The following MUC17 variants were observed in gnomAD, a reference collection of about 807,000 sequenced individuals.
The protein encoded by MUC17 is mucin-17.
In MUC17, 190 loss-of-function variants were observed where a neutral mutation model predicts 170.3. The ratio of observed to expected loss-of-function variants is 1.12; its 90% CI spans 0.99 to 1.26. The LOEUF is 1.26. Ranked by LOEUF, MUC17 falls within the 50% of genes most tolerant of loss-of-function variation. MUC17 has a pLI of 0.00. For synonymous variants in MUC17, 2,325 were observed against 2,002.5 expected (o/e 1.16, Z -4.30); for missense variants, 6,415 against 5,530.0 (o/e 1.16, Z -5.08).
intron 3 of MUC17, among the ~76,000 whole-genome samples, chr7:101,045,216 G>A (rs1287180108): frequency 6.6e-6 from 1 of 152,106 alleles, no homozygotes; most frequent in Non-Finnish European, 1.5e-5. Context: ...TTATTTAGAT[G>A]AATAGGCTCA....
chr7:101,057,495 A>T (rs4236553), intron 12 of MUC17, among the ~76,000 whole-genome samples: 1 of 152,002 alleles, frequency 6.6e-6, no homozygotes, highest in Non-Finnish European at 1.5e-5. Flanking sequence ...GCAATCCCAG[A>T]ACTTCGTGAG....
In MUC17 at chr7:101,039,608, C is replaced by A. The variant is rs750366303; in HGVS notation, c.8192C>A (p.Ser2731Tyr). ...TPVTTSAEAS[S>Y]SPTTAEGTSM... ...GTCACCACTTCTGCTGAAGCCAGTT[C>A]TTCTCCTACAACTGCTGAAGGTACC... Residue 2731 changes from serine (S) to tyrosine (Y), a missense_variant, in exon 3 of 13, where the codon TCT becomes TAT. Transcript: ENST00000306151. 7 of 1,612,992 alleles carry A rather than the reference C, an allele frequency of 4.3e-6. No individual in the cohort carries two copies. In the South Asian group the frequency reaches 6.6e-5, roughly 15 times the overall value.
In MUC17 at chr7:101,037,160, G is replaced by C. The variant is rs377164003; in HGVS notation, c.5744G>C (p.Ser1915Thr). ...SSSPTTADGS[S>T]MPTSTPREGR... ...TCTCCTACAACTGCTGACGGTAGCAGCATGCCAACCTCAACTCCTAGGGAA... is the reference window on the plus strand; with the variant it reads ...TCTCCTACAACTGCTGACGGTAGCACCATGCCAACCTCAACTCCTAGGGAA... The change falls in exon 3 of 13, where the codon AGC becomes ACC. Residue 1915 changes from serine (S) to threonine (T), a missense_variant. Coordinates refer to ENST00000306151, the MANE Select transcript of MUC17 (RefSeq NM_001040105.2). The C allele has an allele frequency of 3.7e-4, 589 of 1,612,498 alleles. 2 individuals carry two copies. The highest frequency in any genetic ancestry group is 4.8e-4 in the Non-Finnish European group (570 of 1,179,738).
At chr7:101,029,554 T>G (rs1794240600) in intron 1 of MUC17, among the ~76,000 whole-genome samples, 1 of 152,118 alleles carries the variant, frequency 6.6e-6, no homozygotes, top group Non-Finnish European at 1.5e-5. Flanking sequence ...TTTACCTTGT[T>G]GGGTGCTGGG....
Position 101,040,425 on chromosome 7 carries a change from G to A in MUC17, c.9009G>A (p.Glu3003=). The A allele has an allele frequency of 1.2e-6, 2 of 1,610,910 alleles. No homozygotes were observed. Among genetic ancestry groups the A allele is most frequent in the Non-Finnish European group, 8.5e-7 (1 of 1,178,840 alleles). ...GCACCATGCCGGTGGCCAGTTCTGA[G>A]GCTAGCACCCTTTCAAGAACTCCTG... ...SVSTMPVASS[E]ASTLSRTPAD... is the part of the protein sequence containing the mutation. Residue 3003 remains glutamate, a synonymous_variant, in exon 3 of 13, where the codon GAG becomes GAA. Transcript: ENST00000306151.
Position 101,036,031 on chromosome 7 carries a change from GCT to G in MUC17, c.4616_4617del (p.Ala1539GlyfsTer20). 6.2e-7 allele frequency: 1 copy of G among 1,612,128 alleles called. No individual in the cohort carries two copies. Among genetic ancestry groups the G allele is most frequent in the Non-Finnish European group, 8.5e-7 (1 of 1,178,928 alleles). On this transcript the variant is annotated frameshift_variant, in exon 3 of 13. Transcript: ENST00000306151. LOFTEE classifies it high-confidence loss of function. ...AATCAACAGCCTTTCAACAACTCCTGCTGTCACCAGCACACCTGTGACCACTT... is the reference window on the plus strand; with the variant it reads ...AATCAACAGCCTTTCAACAACTCCTGGTCACCAGCACACCTGTGACCACTT... The part of the protein sequence containing the change: ...SEINSLSTTP[A>X]VTSTPVTTYS...
In MUC17 at chr7:101,034,723, C is replaced by G; in HGVS notation, c.3307C>G (p.Leu1103Val). Reference sequence around the variant, plus strand: ...AACTTATAGTGAAGGAAGCACTCCACTAACAAGTGTGCCTGTCAGCACCAG... The same window carrying G: ...AACTTATAGTGAAGGAAGCACTCCAGTAACAAGTGTGCCTGTCAGCACCAG... ...TSTYSEGSTPLTSVPVSTRLV... is the reference protein window; with the variant it reads ...TSTYSEGSTPVTSVPVSTRLV... The change falls in exon 3 of 13, where the codon CTA becomes GTA. Residue 1103 changes from leucine (L) to valine (V), a missense_variant. Physicochemically the swap from Leu to Val is conservative, Grantham distance 32. Transcript: ENST00000306151. The G allele has an allele frequency of 6.2e-7, 1 of 1,605,492 alleles. No homozygotes were observed. The highest frequency in any genetic ancestry group is 8.5e-7 in the Non-Finnish European group (1 of 1,175,346).
Position 101,020,199 on chromosome 7 carries a change from C to A in MUC17, c.64C>A (p.Gln22Lys). ...LTLVLSLLPP[Q>K]AAAEQDLSVN... ...CTTGGTCCTCTCGCTCTTGCCCCCA[C>A]AAGCTGCTGCAGAACAGGGTGAGTG... is the stretch of plus-strand genomic sequence containing the variant. Residue 22 changes from glutamine (Q) to lysine (K), a missense_variant, in exon 1 of 13, where the codon CAA becomes AAA. Gln to Lys is a moderately conservative substitution (Grantham distance 53). Coordinates refer to ENST00000306151, the MANE Select transcript of MUC17 (RefSeq NM_001040105.2). 5 of 1,610,038 alleles carry A rather than the reference C, an allele frequency of 3.1e-6. No homozygotes were observed. Among genetic ancestry groups the A allele is most frequent in the Non-Finnish European group, 4.2e-6 (5 of 1,178,222 alleles).
Position 101,033,853 on chromosome 7 carries a change from G to C in MUC17, c.2437G>C (p.Val813Leu), listed in dbSNP as rs1464519686. ...EGSPLLTSIP[V>L]SITPVTSPEA... ...AAGTCCTTTATTAACAAGTATACCT[G>C]TCAGCATCACACCGGTGACCAGTCC... The change falls in exon 3 of 13, where the codon GTC becomes CTC. Residue 813 changes from valine to leucine, a missense_variant. Coordinates refer to ENST00000306151, the MANE Select transcript of MUC17 (RefSeq NM_001040105.2). 5.6e-6 allele frequency: 9 copies of C among 1,613,508 alleles called. No homozygotes were observed. In the South Asian group the frequency reaches 9.9e-5, roughly 18 times the overall value.
Position 101,041,360 on chromosome 7 carries a change from A to G in MUC17, c.9944A>G (p.Tyr3315Cys). Reference protein sequence around the residue: ...PADTSTPVTTYSQASSSPPIA... With the variant: ...PADTSTPVTTCSQASSSPPIA... Reference sequence around the variant, plus strand: ...GACACCAGCACACCTGTGACCACTTATTCTCAAGCCAGTTCATCTCCTCCA... The same window carrying G: ...GACACCAGCACACCTGTGACCACTTGTTCTCAAGCCAGTTCATCTCCTCCA... The change falls in exon 3 of 13, where the codon TAT becomes TGT. Residue 3315 changes from tyrosine (Y) to cysteine (C), a missense_variant. Tyr to Cys is a radical substitution (Grantham distance 194). Coordinates refer to ENST00000306151, the MANE Select transcript of MUC17 (RefSeq NM_001040105.2). 1.2e-6 allele frequency: 2 copies of G among 1,600,568 alleles called. No homozygotes were observed. Among genetic ancestry groups the G allele is most frequent in the Non-Finnish European group, 1.7e-6 (2 of 1,174,722 alleles).
intron 9 of MUC17, 92 bp downstream of exon 9, chr7:101,052,054 A>T: frequency 6.9e-7 from 1 of 1,451,770 alleles, no homozygotes; most frequent in Non-Finnish European, 9.4e-7. Context: ...CCTGGAGACC[A>T]AGGTCATGGG....
At chr7:101,029,791 G>T (rs978280620) in intron 1 of MUC17, among the ~76,000 whole-genome samples, 2 of 151,952 alleles carry the variant, frequency 1.3e-5, no homozygotes, top group African/African-American at 2.4e-5. Context: ...TAGAGACAGG[G>T]TTTCACCATG....
At position 101,037,134 on chromosome 7, in the gene MUC17, A is replaced by G. The variant is rs1331100669; in HGVS notation, c.5718A>G (p.Ser1906=). Residue 1906 remains serine (S), a synonymous_variant, in exon 3 of 13, where the codon TCA becomes TCG. Coordinates refer to ENST00000306151, the MANE Select transcript of MUC17 (RefSeq NM_001040105.2). The part of the protein sequence containing the change: ...TPVTTYAQVS[S]SPTTADGSSM... ...TGACCACTTATGCTCAAGTCAGTTC[A>G]TCTCCTACAACTGCTGACGGTAGCA... 2.5e-5 allele frequency: 40 copies of G among 1,612,182 alleles called. No individual in the cohort carries two copies. Among genetic ancestry groups the G allele is most frequent in the Non-Finnish European group, 3.2e-5 (38 of 1,179,688 alleles).
rs138483731 is a variant in MUC17 at position 101,035,851 on chromosome 7, C to G, written c.4435C>G (p.Pro1479Ala). 154 of 1,600,252 alleles carry G rather than the reference C, an allele frequency of 9.6e-5. No homozygotes were observed. In the African/African-American group the frequency reaches 1.7e-3, roughly 18 times the overall value. ...NSEASTLSTT[P>A]VDSNSPVVTS... ...TGAGGCTAGCACCCTTTCAACAACT[C>G]CTGTTGACTCTAACAGTCCTGTGGT... Residue 1479 changes from proline (P) to alanine (A), a missense_variant, in exon 3 of 13, where the codon CCT becomes GCT. Transcript: ENST00000306151.
chr7:101,043,176 A>AGCC lies in MUC17; in HGVS notation c.11761_11763dup (p.Ala3921dup), dbSNP rs776172529. On this transcript the variant is annotated inframe_insertion, in exon 3 of 13. Coordinates refer to ENST00000306151, the MANE Select transcript of MUC17 (RefSeq NM_001040105.2). ...CTGCCTCAACTCCCACAATTCCTGTAGCCACCACCATATCTGTATCAGTGA... is the reference window on the plus strand; with the variant it reads ...CTGCCTCAACTCCCACAATTCCTGTAGCCGCCACCACCATATCTGTATCAGTGA... 9.3e-6 allele frequency: 15 copies of AGCC among 1,613,992 alleles called. No homozygotes were observed. The African/African-American group carries it at 1.3e-4, about 14-fold the overall frequency.
In MUC17 at chr7:101,040,997, C is replaced by A; in HGVS notation, c.9581C>A (p.Pro3194His). 6.2e-7 allele frequency: 1 copy of A among 1,613,974 alleles called. No individual in the cohort carries two copies. The highest frequency in any genetic ancestry group is 8.5e-7 in the Non-Finnish European group (1 of 1,179,978). ...GCAACTCCTGTTGACACCAGCACACCTGTGACCACTTCTACTGAAGCCACT... is the reference window on the plus strand; with the variant it reads ...GCAACTCCTGTTGACACCAGCACACATGTGACCACTTCTACTGAAGCCACT... ...LSATPVDTST[P>H]VTTSTEATSS... Residue 3194 changes from proline (P) to histidine (H), a missense_variant, in exon 3 of 13, where the codon CCT becomes CAT. Physicochemically the swap from Pro to His is moderately conservative, Grantham distance 77. Transcript: ENST00000306151.
rs549432526 is a variant in MUC17, at chr7:101,032,830, C to G, written c.1414C>G (p.Leu472Val). The G allele has an allele frequency of 6.2e-7, 1 of 1,612,576 alleles. No individual in the cohort carries two copies. Among genetic ancestry groups the G allele is most frequent in the Admixed American group, 1.7e-5 (1 of 59,906 alleles). ...AGTGGCCAGTTCTGAGGCTAGCAAC[C>G]TTTCAACAACTCCTGTTGACTCCAA... is the stretch of plus-strand genomic sequence containing the variant. ...TPVASSEASNLSTTPVDSKTQ... is the reference protein window; with the variant it reads ...TPVASSEASNVSTTPVDSKTQ... Residue 472 changes from leucine (L) to valine (V), a missense_variant, in exon 3 of 13, where the codon CTT (leucine) becomes GTT (valine). Leu to Val is a conservative substitution (Grantham distance 32). Coordinates refer to ENST00000306151, the MANE Select transcript of MUC17 (RefSeq NM_001040105.2).
In MUC17 at chr7:101,058,802, ATAT is replaced by A. The variant is rs1245686109; in HGVS notation, c.*762_*764del. The A allele has an allele frequency of 6.6e-6, 1 of 152,042 alleles. No individual in the cohort carries two copies. Among genetic ancestry groups the A allele is most frequent in the African/African-American group, 2.4e-5 (1 of 41,388 alleles). The allele number at this position is 152,042 out of a possible 1,614,324, so 9.4% of individuals were successfully genotyped here. A position where few individuals can be genotyped will look rare whatever the true frequency, so the allele number is the denominator to read the frequency against. On this transcript the variant is annotated 3_prime_UTR_variant, in exon 13 of 13. Transcript: ENST00000306151. ...TGAGTTCTGATTTTTTCCTTAGTAAATATTATAATATATATTTGTAGTAACTAA... is the reference window on the plus strand; with the variant it reads ...TGAGTTCTGATTTTTTCCTTAGTAAATATAATATATATTTGTAGTAACTAA...
rs148675022 is a variant in MUC17, at chr7:101,036,975, A to C, written c.5559A>C (p.Glu1853Asp). ...TAVSSSPTPAEGTSIATSTPS... is the reference protein window; with the variant it reads ...TAVSSSPTPADGTSIATSTPS... ...TCAGTTCATCTCCTACACCTGCTGA[A>C]GGTACCAGCATAGCAACCTCAACGC... The change falls in exon 3 of 13, where the codon GAA (glutamate) becomes GAC (aspartate). Residue 1853 changes from glutamate to aspartate, a missense_variant. Transcript: ENST00000306151. 2,908 of 1,572,076 alleles carry C rather than the reference A, an allele frequency of 1.8e-3. 20 individuals carry two copies. The highest frequency in any genetic ancestry group is 0.016 in the South Asian group (1,263 of 76,992).
Sources: gnomAD v4.1 joint callset for allele counts (sites outside exome capture counted in the v4.1 genomes callset) on GRCh38, gnomAD v4.1.1 for gene constraint, MANE v1.5 for transcripts, NCBI Gene and HGNC (gene_info 2026-07-23, HGNC 2026-07-21) for gene names.